The following MCM6 variants were observed in gnomAD, a reference collection of about 807,000 sequenced individuals.
MCM6 encodes DNA replication licensing factor MCM6.
A neutral mutation model predicts 94.3 loss-of-function variants in MCM6; 46 were observed. The observed-to-expected ratio is 0.49, with a 90% CI of 0.39 to 0.62. MCM6 has a LOEUF of 0.62. Among genes scored for constraint, MCM6 ranks in the 20% least tolerant of loss-of-function variants. MCM6 has a pLI of 0.00. For synonymous variants in MCM6, 335 were observed against 351.9 expected (o/e 0.95, Z 0.54); for missense variants, 865 against 1,017.9 (o/e 0.85, Z 2.04).
intron 2 of MCM6, 72 bp downstream of exon 2, chr2:135,872,625 T>TA: frequency 1.4e-6 from 2 of 1,479,540 alleles, no homozygotes; most frequent in Admixed American, 3.6e-5. Context: ...AGTGAACACT[T>TA]ACAGTCCAAG....
At chr2:135,857,435 T>C (rs1193423875) in intron 10 of MCM6, among the ~76,000 whole-genome samples, 1 of 152,206 alleles carries the variant, frequency 6.6e-6, no homozygotes, top group Admixed American at 6.5e-5. Flanking sequence ...GTATCTACTG[T>C]TGCTGGGAGT....
chr2:135,872,732 C>T lies in MCM6; in HGVS notation c.219G>A (p.Gln73=). 1 of 1,614,146 alleles carries T rather than the reference C, an allele frequency of 6.2e-7. No individual in the cohort carries two copies. Among genetic ancestry groups the T allele is most frequent in the Non-Finnish European group, 8.5e-7 (1 of 1,180,020 alleles). Residue 73 remains glutamine (Q), a synonymous_variant, in exon 2 of 17, where the codon CAG becomes CAA. Transcript: ENST00000264156. ...VSFVDLEQFN[Q]QLSTTIQEEF... ...CCTCTTGAATGGTGGTGGAAAGTTG[C>T]TGGTTAAATTGTTCCAGGTCCACAA...
Position 135,846,353 on chromosome 2 carries a change from C to A in MCM6, c.2093G>T (p.Gly698Val), listed in dbSNP as rs1679670169. 1 of 1,613,948 alleles carries A rather than the reference C, an allele frequency of 6.2e-7. No individual in the cohort carries two copies. Among genetic ancestry groups the A allele is most frequent in the Admixed American group, 1.7e-5 (1 of 59,996 alleles). The part of the protein sequence containing the change: ...DSPAPVNGIN[G>V]YNEDINQESA... ...CTCTTGATTTATGTCTTCATTGTAGCCATTGATCCCGTTCACAGGAGCAGG... is the reference window on the plus strand; with the variant it reads ...CTCTTGATTTATGTCTTCATTGTAGACATTGATCCCGTTCACAGGAGCAGG... Residue 698 changes from glycine (G) to valine (V), a missense_variant, in exon 15 of 17, where the codon GGC (glycine) becomes GTC (valine). Gly to Val is a moderately radical substitution (Grantham distance 109). Coordinates refer to ENST00000264156, the MANE Select transcript of MCM6 (RefSeq NM_005915.6).
At chr2:135,875,028 C>G (rs1192514998) in intron 1 of MCM6, among the ~76,000 whole-genome samples, 1 of 151,892 alleles carries the variant, frequency 6.6e-6, no homozygotes, top group East Asian at 1.9e-4. Context: ...GAGAGGGTAA[C>G]GGAGGAGAGT....
intron 2 of MCM6, among the ~76,000 whole-genome samples, chr2:135,870,648 A>G (rs907554096): frequency 6.6e-6 from 1 of 152,240 alleles, no homozygotes; most frequent in African/African-American, 2.4e-5. Context: ...TCTGTCCAAG[A>G]TGACTAGCTG....
chr2:135,872,736 T>C lies in MCM6; in HGVS notation c.215A>G (p.Asn72Ser), dbSNP rs1680224928. The change falls in exon 2 of 17, where the codon AAC becomes AGC. Residue 72 changes from asparagine (N) to serine (S), a missense_variant. Asn to Ser is a conservative substitution (Grantham distance 46). Transcript: ENST00000264156. ...VVSFVDLEQF[N>S]QQLSTTIQEE... The stretch of plus-strand genomic sequence containing the variant: ...TTGAATGGTGGTGGAAAGTTGCTGG[T>C]TAAATTGTTCCAGGTCCACAAAACT... 6.2e-7 allele frequency: 1 copy of C among 1,614,178 alleles called. No individual in the cohort carries two copies. The highest frequency in any genetic ancestry group is 8.5e-7 in the Non-Finnish European group (1 of 1,180,040).
intron 16 of MCM6, among the ~76,000 whole-genome samples, chr2:135,843,736 A>AAAAAAAAAACC (rs1553437360): frequency 2.0e-5 from 3 of 147,208 alleles, no homozygotes; most frequent in African/African-American, 8.1e-5. Flanking sequence ...GTCTCAAAAA[A>AAAAAAAAAACC]AAAAAAAAAA....
At chr2:135,856,992 T>C in intron 10 of MCM6, 109 bp from the exon 11 acceptor site, 1 of 928,086 alleles carries the variant, frequency 1.1e-6, no homozygotes, top group Non-Finnish European at 1.6e-6. Flanking sequence ...ACCAAAATAA[T>C]GACATACCCT....
intron 13 of MCM6, among the ~76,000 whole-genome samples, chr2:135,849,609 A>G (rs56043763): frequency 6.6e-6 from 1 of 152,218 alleles, no homozygotes; most frequent in African/African-American, 2.4e-5. Flanking sequence ...CTAGCCCTAC[A>G]TTTAAACTAC....
intron 1 of MCM6, among the ~76,000 whole-genome samples, chr2:135,873,217 C>G (rs995603172): frequency 6.6e-6 from 1 of 152,194 alleles, no homozygotes; most frequent in African/African-American, 2.4e-5. Context: ...ACTTGCTCCT[C>G]CTTGCCTTCC....
At chr2:135,858,510 A>G (rs1679932708) in intron 9 of MCM6, among the ~76,000 whole-genome samples, 2 of 152,218 alleles carry the variant, frequency 1.3e-5, no homozygotes, top group Non-Finnish European at 2.9e-5. Context: ...AGTCTTTCAG[A>G]TGGAAAATTA....
chr2:135,860,988 C>T (rs1222023629), intron 8 of MCM6, among the ~76,000 whole-genome samples: 3 of 152,082 alleles, frequency 2.0e-5, no homozygotes. Flanking sequence ...CTGTCACATA[C>T]CACATGACAC....
At chr2:135,855,169 A>G (rs1180109702) in intron 11 of MCM6, among the ~76,000 whole-genome samples, 3 of 152,292 alleles carry the variant, frequency 2.0e-5, no homozygotes, top group African/African-American at 7.2e-5. Context: ...ACAAAACAAA[A>G]CTAAAGAAAA....
At chr2:135,844,457 C>A in intron 16 of MCM6, 88 bp downstream of exon 16, 1 of 1,233,514 alleles carries the variant, frequency 8.1e-7, no homozygotes. Flanking sequence ...AAACAAAGGT[C>A]AAAAAAAATT....
chr2:135,872,855 TTCGAGTCAACTAGA>T lies in MCM6; in HGVS notation c.108-26_108-13del. ...CGCTGCTCTGAAACCTGCAGGTACA[TTCGAGTCAACTAGA>T]TTAAGGACACAGGCAGTACAAAGAA... is the stretch of plus-strand genomic sequence containing the variant. On this transcript the variant is annotated splice_polypyrimidine_tract_variant and intron_variant, in intron 1 of 16. Transcript: ENST00000264156. The T allele has an allele frequency of 2.5e-6, 4 of 1,613,582 alleles. No homozygotes were observed. The highest frequency in any genetic ancestry group is 3.4e-6 in the Non-Finnish European group (4 of 1,179,754).
chr2:135,852,669 G>C, intron 12 of MCM6, 118 bp downstream of exon 12: 1 of 682,852 alleles, frequency 1.5e-6, no homozygotes, highest in East Asian at 3.6e-5. Flanking sequence ...AAAAAAAGTT[G>C]TAAAATTTAG....
chr2:135,872,452 A>AAAAC (rs4988157), intron 2 of MCM6, among the ~76,000 whole-genome samples: 28,095 of 151,452 alleles, frequency 0.19, 2,879 homozygotes, highest in Middle Eastern at 0.4. Flanking sequence ...TCCGTCTCAA[A>AAAAC]AAACAAACAA....
In MCM6 at chr2:135,852,937, A is replaced by G. The variant is rs752533590; in HGVS notation, c.1627-22T>C. On this transcript the variant is annotated intron_variant, in intron 11 of 16. Coordinates refer to ENST00000264156, the MANE Select transcript of MCM6 (RefSeq NM_005915.6). ...TAACCTAATTCAAAACAAAAAAATC[A>G]CTTTGATAGTCACAGCAATATCTTC... The G allele has an allele frequency of 1.9e-6, 3 of 1,575,658 alleles. No homozygotes were observed. In the East Asian group the frequency reaches 7.0e-5, roughly 37 times the overall value.
intron 13 of MCM6, among the ~76,000 whole-genome samples, chr2:135,850,429 T>C (rs1679753552): frequency 6.6e-6 from 1 of 152,194 alleles, no homozygotes; most frequent in Non-Finnish European, 1.5e-5. Context: ...CTTAATTAAA[T>C]ACATGTCTCG....
Sources: allele counts gnomAD v4.1 joint callset (sites outside exome capture counted in the v4.1 genomes callset), GRCh38; gene constraint gnomAD v4.1.1; transcripts MANE v1.5; gene names NCBI Gene and HGNC (gene_info 2026-07-23, HGNC 2026-07-21).